The following SLC27A2 variants were observed in gnomAD, a reference collection of about 807,000 sequenced individuals.
SLC27A2 encodes solute carrier family 27 member 2.
A neutral mutation model predicts 60.0 loss-of-function variants in SLC27A2; 54 were observed. The ratio of observed to expected loss-of-function variants is 0.90; its 90% CI spans 0.72 to 1.13. The LOEUF (loss-of-function observed/expected upper bound fraction) is 1.13. Ranked by LOEUF, SLC27A2 falls within the 50% of genes most tolerant of loss-of-function variation. SLC27A2 has a pLI of 0.00. For synonymous variants in SLC27A2, 297 were observed against 297.6 expected (o/e 1.00, Z 0.02); for missense variants, 739 against 777.6 (o/e 0.95, Z 0.59).
Position 50,222,934 on chromosome 15 carries a change from A to G in SLC27A2, c.973-31A>G, listed in dbSNP as rs1266357080. The G allele has an allele frequency of 2.6e-6, 4 of 1,544,998 alleles. No homozygotes were observed. The African/African-American group carries it at 4.1e-5, about 16-fold the overall frequency. On this transcript the variant is annotated intron_variant, in intron 4 of 9. Transcript: ENST00000267842. ...TAAGCATAGGCTCCAGAGATGTTTC[A>G]GTTTGGTCTCCTTCTTCTCCCCCAC...
At chr15:50,212,544 A>T (rs1458352226) in intron 4 of SLC27A2, among the ~76,000 whole-genome samples, 1 of 152,206 alleles carries the variant, frequency 6.6e-6, no homozygotes, top group Non-Finnish European at 1.5e-5. Flanking sequence ...GTGAGACAGA[A>T]ACACCTGGTG....
At chr15:50,216,610 G>GTGTGTGTGTGTGTGTATATATATATA (rs1323910367) in intron 4 of SLC27A2, among the ~76,000 whole-genome samples, 3 of 66,482 alleles carry the variant, frequency 4.5e-5, no homozygotes, top group Non-Finnish European at 8.9e-5. Flanking sequence ...GTGTGTGTGT[G>GTGTGTGTGTGTGTGTATATATATATA]TATATATATA....
chr15:50,201,892 A>G (rs1186974503), intron 2 of SLC27A2, among the ~76,000 whole-genome samples: 2 of 152,246 alleles, frequency 1.3e-5, no homozygotes, highest in African/African-American at 2.4e-5. Context: ...GCAAGAACAT[A>G]TAAGCAAATG....
chr15:50,234,874 T>C (rs1490132866), intron 9 of SLC27A2, among the ~76,000 whole-genome samples: 1 of 152,232 alleles, frequency 6.6e-6, no homozygotes, highest in Non-Finnish European at 1.5e-5. Flanking sequence ...AAAGTCTGTT[T>C]GGTGAGTCCT....
At chr15:50,198,615 G>C (rs1390673890) in intron 2 of SLC27A2, 1 of 151,860 alleles carries the variant, frequency 6.6e-6, no homozygotes, top group Non-Finnish European at 1.5e-5. Flanking sequence ...AGGCCAGGAA[G>C]ACCAAAATGT....
Position 50,236,239 on chromosome 15 carries a change from T to TAAC in SLC27A2, c.*145_*147dup. ...ACCCGTAAAGGGAGACTTTTTTAAA[T>TAAC]AACAGTTGAGTCTTTGCAAGTAAAA... On this transcript the variant is annotated 3_prime_UTR_variant, in exon 10 of 10. Transcript: ENST00000267842. 3.5e-6 allele frequency: 2 copies of TAAC among 565,658 alleles called. No individual in the cohort carries two copies. Among genetic ancestry groups the TAAC allele is most frequent in the Middle Eastern group, 4.7e-4 (1 of 2,114 alleles). 35.0% of individuals were successfully genotyped at this position (565,658 alleles called of 1,614,324 possible).
Position 50,236,359 on chromosome 15 carries a change from G to GTAAAT in SLC27A2, c.*269_*273dup. The GTAAAT allele has an allele frequency of 3.1e-6, 1 of 321,252 alleles. No individual in the cohort carries two copies. The highest frequency in any genetic ancestry group is 5.5e-5 in the East Asian group (1 of 18,138). The allele number at this position is 321,252 out of a possible 1,614,324, so 19.9% of individuals were successfully genotyped here. A position where few individuals can be genotyped will look rare whatever the true frequency, so the allele number is the denominator to read the frequency against. On this transcript the variant is annotated 3_prime_UTR_variant, in exon 10 of 10. Transcript: ENST00000267842. ...AAGGCATTATTTTTTAAAATACTTA[G>GTAAAT]TAAATTAAATGAACACCAACATGTG...
chr15:50,214,810 T>C (rs907996201), intron 4 of SLC27A2, among the ~76,000 whole-genome samples: 1 of 152,154 alleles, frequency 6.6e-6, no homozygotes, highest in African/African-American at 2.4e-5. Context: ...ACAAGGGACA[T>C]ACCTTAAAGT....
chr15:50,229,246 C>T (rs2045299501), intron 8 of SLC27A2, among the ~76,000 whole-genome samples: 1 of 152,230 alleles, frequency 6.6e-6, no homozygotes, highest in East Asian at 1.9e-4. Context: ...CTCTTCATTT[C>T]AGCTCCCAGC....
chr15:50,196,073 AAAAAATATATATATATATAT>A (rs2045017192), intron 1 of SLC27A2, among the ~76,000 whole-genome samples: 3 of 19,208 alleles, frequency 1.6e-4, no homozygotes, highest in African/African-American at 5.8e-4. Context: ...AAAAAAAAAA[AAAAAATATATATATATATAT>A]ATATATATAT....
chr15:50,193,165 G>A (rs1424869888), intron 1 of SLC27A2, among the ~76,000 whole-genome samples: 1 of 152,178 alleles, frequency 6.6e-6, no homozygotes, highest in Admixed American at 6.5e-5. Flanking sequence ...AGTCCCAGCT[G>A]ATCTTCATCT....
intron 4 of SLC27A2, among the ~76,000 whole-genome samples, chr15:50,218,219 A>AAAAATCTTT (rs2045217150): frequency 6.6e-6 from 1 of 152,174 alleles, no homozygotes; most frequent in Admixed American, 6.5e-5. Context: ...AATGATGTTT[A>AAAAATCTTT]AAAATCTTTA....
At chr15:50,196,555 T>C (rs151123533) in intron 1 of SLC27A2, among the ~76,000 whole-genome samples, 67 of 152,296 alleles carry the variant, frequency 4.4e-4, no homozygotes, top group African/African-American at 1.5e-3. Context: ...TTAGAGAGGT[T>C]AAGAACTTCT....
rs1183858499 is a variant in SLC27A2, at chr15:50,233,789, C to CA, written c.1556-79_1556-78insA. Reference sequence around the variant, plus strand: ...ATGAAACCCATGCTATAAATGTTGTCTGAGCCCACAGTTCTTTGAACTAAT... The same window carrying CA: ...ATGAAACCCATGCTATAAATGTTGTCATGAGCCCACAGTTCTTTGAACTAAT... On this transcript the variant is annotated intron_variant, in intron 8 of 9. Transcript: ENST00000267842. The CA allele has an allele frequency of 2.3e-6, 3 of 1,311,116 alleles. No individual in the cohort carries two copies. The African/African-American group carries it at 4.5e-5, about 19-fold the overall frequency. 81.2% of individuals were successfully genotyped at this position (1,311,116 alleles called of 1,614,324 possible).
At chr15:50,225,956 AT>A in intron 5 of SLC27A2, 31 bp from the exon 6 acceptor site, 1 of 1,385,310 alleles carries the variant, frequency 7.2e-7, no homozygotes, top group Non-Finnish European at 1.0e-6. Context: ...ATTATAAAAG[AT>A]TTATACTCAA....
chr15:50,190,500 G>A (rs908717497), intron 1 of SLC27A2, among the ~76,000 whole-genome samples: 1 of 152,068 alleles, frequency 6.6e-6, no homozygotes, highest in South Asian at 2.1e-4. Flanking sequence ...GAAAGCTGCA[G>A]GTTTAGCCTG....
In SLC27A2 at chr15:50,182,387, A is replaced by G. The variant is rs2044861439; in HGVS notation, c.-41A>G. ...GTCGCCGCGCTGCACGCCCGGGGTG[A>G]ACCCTCTGCCCTCGCTGGGACAGAG... On this transcript the variant is annotated 5_prime_UTR_variant, in exon 1 of 10. Coordinates refer to ENST00000267842, the MANE Select transcript of SLC27A2 (RefSeq NM_003645.4). 2 of 1,520,298 alleles carry G rather than the reference A, an allele frequency of 1.3e-6. No homozygotes were observed. Among genetic ancestry groups the G allele is most frequent in the Admixed American group, 2.1e-5 (1 of 47,224 alleles). The allele number at this position is 1,520,298 out of a possible 1,614,324, so 94.2% of individuals were successfully genotyped here.
At position 50,182,239 on chromosome 15, in the gene SLC27A2, G is replaced by C. The variant is rs2044858647; in HGVS notation, c.-189G>C. The C allele has an allele frequency of 1.1e-6, 1 of 947,110 alleles. No homozygotes were observed. Among genetic ancestry groups the C allele is most frequent in the East Asian group, 3.6e-5 (1 of 28,146 alleles). The allele number at this position is 947,110 out of a possible 1,614,324, so 58.7% of individuals were successfully genotyped here. On this transcript the variant is annotated 5_prime_UTR_variant, in exon 1 of 10. Coordinates refer to ENST00000267842, the MANE Select transcript of SLC27A2 (RefSeq NM_003645.4). ...CGGCAACGCGCATACGACTACACCTGCTCCGGAGCCCGCGGCGGTACCTGC... is the reference window on the plus strand; with the variant it reads ...CGGCAACGCGCATACGACTACACCTCCTCCGGAGCCCGCGGCGGTACCTGC...
intron 1 of SLC27A2, among the ~76,000 whole-genome samples, chr15:50,192,588 A>G (rs188077935): frequency 2.0e-5 from 3 of 151,892 alleles, no homozygotes; most frequent in African/African-American, 7.2e-5. Context: ...TCTGTTGCCC[A>G]GGCTGGAGTG....
Sources: allele counts gnomAD v4.1 joint callset (sites outside exome capture counted in the v4.1 genomes callset), GRCh38; gene constraint gnomAD v4.1.1; transcripts MANE v1.5; gene names NCBI Gene and HGNC (gene_info 2026-07-23, HGNC 2026-07-21).